PDZRN4: variants seen among roughly 807,000 people sequenced by gnomAD.
PDZRN4 encodes the protein PDZ domain containing ring finger 4, also known as PDZ domain-containing RING finger protein 4.
Under a neutral mutation model 99.0 loss-of-function variants are expected in PDZRN4, and 70 were observed. The observed-to-expected ratio is 0.71, with a 90% CI of 0.58 to 0.86. The LOEUF (loss-of-function observed/expected upper bound fraction) is 0.86, where lower values mean the gene tolerates loss of function less well. PDZRN4 is among the 40% of genes least tolerant of loss of function. The pLI, the probability that PDZRN4 is intolerant of heterozygous loss-of-function variation, is 0.00. For synonymous variants in PDZRN4, 551 were observed against 501.6 expected (o/e 1.10, Z -1.32); for missense variants, 1,474 against 1,331.2 (o/e 1.11, Z -1.67).
rs577289229 is a variant in PDZRN4, at chr12:41,563,640, A to G, written c.1458A>G (p.Pro486=). 8 of 1,611,380 alleles carry G rather than the reference A, an allele frequency of 5.0e-6. No homozygotes were observed. The Admixed American group carries it at 6.7e-5, about 13-fold the overall frequency. ...CKRIVLLVAR[P]EIQLDEGWLE... is the part of the protein sequence containing the mutation. ...GAATCGTGCTGCTTGTTGCAAGGCC[A>G]GAGATTCAGGTCAGAACAGAGATCA... The change falls in exon 8 of 10, where the codon CCA becomes CCG. Residue 486 remains proline (P), a synonymous_variant. Transcript: ENST00000402685.
rs536249798 is a variant in PDZRN4, at chr12:41,292,756, G to A, written c.843+98568G>A. 7.2e-5 allele frequency among the ~76,000 whole-genome samples: 11 copies of A among 152,172 alleles called. 1 individual carries two copies. The South Asian group carries it at 1.0e-3, about 14-fold the overall frequency. ...TTCTCTAAGGAATTTGGAGAAGAAC[G>A]TTCACTTTAGTAAGATTCAGCAAAC... On this transcript the variant is annotated intron_variant, in intron 3 of 9. Transcript: ENST00000402685.
intron 3 of PDZRN4, chr12:41,437,926 T>G: frequency 1.2e-6 from 2 of 1,613,932 alleles, no homozygotes; most frequent in Middle Eastern, 1.7e-4. Context: ...AGATTTGCTC[T>G]CTCTCTCTGC....
chr12:41,511,627 A>G (rs1454786419), intron 5 of PDZRN4, among the ~76,000 whole-genome samples: 1 of 152,158 alleles, frequency 6.6e-6, no homozygotes, highest in East Asian at 1.9e-4. Flanking sequence ...GCATGGTTAA[A>G]GGTGGGAGTG....
chr12:41,511,437 A>G (rs1938302845), intron 5 of PDZRN4, among the ~76,000 whole-genome samples: 1 of 152,062 alleles, frequency 6.6e-6, no homozygotes, highest in African/African-American at 2.4e-5. Flanking sequence ...AGCTCTCTGT[A>G]GCCTGTAATC....
Position 41,572,443 on chromosome 12 carries a change from T to C in PDZRN4, c.1664T>C (p.Val555Ala). 1 of 1,613,754 alleles carries C rather than the reference T, an allele frequency of 6.2e-7. No individual in the cohort carries two copies. The highest frequency in any genetic ancestry group is 1.1e-5 in the South Asian group (1 of 91,066). ...AACAACCATGAGAAGGACAGTGGAGTAGGACGTACAGATGAAAGCTTGCGA... is the reference window on the plus strand; with the variant it reads ...AACAACCATGAGAAGGACAGTGGAGCAGGACGTACAGATGAAAGCTTGCGA... ...SSNNHEKDSG[V>A]GRTDESLRND... Residue 555 changes from valine (V) to alanine (A), a missense_variant, in exon 10 of 10, where the codon GTA (valine) becomes GCA (alanine). Transcript: ENST00000402685.
chr12:41,274,462 G>A (rs1951336785), intron 3 of PDZRN4, among the ~76,000 whole-genome samples: 1 of 152,120 alleles, frequency 6.6e-6, no homozygotes, highest in South Asian at 2.1e-4. Flanking sequence ...CCTAGTTTAA[G>A]CTAGAGAGAA....
At chr12:41,399,539 A>T (rs1054376928) in intron 3 of PDZRN4, among the ~76,000 whole-genome samples, 1 of 152,190 alleles carries the variant, frequency 6.6e-6, no homozygotes, top group Non-Finnish European at 1.5e-5. Context: ...GTTCGAGACC[A>T]GCCTGGGCAA....
intron 3 of PDZRN4, among the ~76,000 whole-genome samples, chr12:41,320,237 T>G (rs947568773): frequency 2.0e-5 from 3 of 152,174 alleles, no homozygotes; most frequent in Non-Finnish European, 4.4e-5. Flanking sequence ...GAAGGGTTTC[T>G]GAGAATGCTA....
chr12:41,425,329 A>G (rs1350429), intron 3 of PDZRN4, among the ~76,000 whole-genome samples: 79,051 of 150,524 alleles, frequency 0.53, 21,359 homozygotes, highest in African/African-American at 0.68. Context: ...GGCATTATCT[A>G]GTATGGAAGG....
intron 3 of PDZRN4, among the ~76,000 whole-genome samples, chr12:41,346,007 G>T (rs767981310): frequency 6.6e-6 from 1 of 152,032 alleles, no homozygotes; most frequent in Non-Finnish European, 1.5e-5. Context: ...TATTCAGTCT[G>T]TGTTAAACTT....
chr12:41,246,292 G>C (rs1951133351), intron 3 of PDZRN4, among the ~76,000 whole-genome samples: 1 of 152,112 alleles, frequency 6.6e-6, no homozygotes, highest in Non-Finnish European at 1.5e-5. Context: ...CAATTGTACA[G>C]TTAATTGACA....
At chr12:41,211,495 G>T (rs1950888574) in intron 3 of PDZRN4, among the ~76,000 whole-genome samples, 1 of 151,670 alleles carries the variant, frequency 6.6e-6, no homozygotes, top group Non-Finnish European at 1.5e-5. Flanking sequence ...CTACACTGTT[G>T]AAGAAGCTTT....
chr12:41,244,920 G>A (rs1591982808), intron 3 of PDZRN4, among the ~76,000 whole-genome samples: 1 of 148,738 alleles, frequency 6.7e-6, no homozygotes. Context: ...TCGATCTCCT[G>A]ACCTCATGAT....
chr12:41,555,308 A>G (rs1403701175), intron 6 of PDZRN4, among the ~76,000 whole-genome samples: 1 of 151,818 alleles, frequency 6.6e-6, no homozygotes, highest in Non-Finnish European at 1.5e-5. Flanking sequence ...CAAAAAGTAA[A>G]TTTCCTGGGT....
chr12:41,569,087 C>A (rs1939429883), intron 9 of PDZRN4, among the ~76,000 whole-genome samples: 2 of 150,902 alleles, frequency 1.3e-5, no homozygotes, highest in Admixed American at 1.3e-4. Flanking sequence ...CAGGCATGAG[C>A]CACCGTGCCC....
At chr12:41,342,742 C>T (rs1260588585) in intron 3 of PDZRN4, among the ~76,000 whole-genome samples, 1 of 151,924 alleles carries the variant, frequency 6.6e-6, no homozygotes, top group Non-Finnish European at 1.5e-5. Context: ...AAAGAGAACA[C>T]TTACACACTG....
At chr12:41,515,944 C>T (rs962380165) in intron 5 of PDZRN4, among the ~76,000 whole-genome samples, 6 of 151,938 alleles carry the variant, frequency 3.9e-5, no homozygotes, top group Non-Finnish European at 8.8e-5. Context: ...CTCTCACCAC[C>T]TCACCTTTCC....
chr12:41,518,592 T>TA (rs1162696044), intron 5 of PDZRN4, among the ~76,000 whole-genome samples: 3 of 152,076 alleles, frequency 2.0e-5, no homozygotes, highest in Non-Finnish European at 4.4e-5. Context: ...AAATATTTAT[T>TA]AAAAAATTGC....
chr12:41,501,054 A>G (rs1009767188), intron 3 of PDZRN4, among the ~76,000 whole-genome samples: 3 of 152,166 alleles, frequency 2.0e-5, no homozygotes, highest in Non-Finnish European at 2.9e-5. Context: ...AACCAGAATT[A>G]TAATACACAA....
Sources: allele counts gnomAD v4.1 joint callset (sites outside exome capture counted in the v4.1 genomes callset), GRCh38; gene constraint gnomAD v4.1.1; transcripts MANE v1.5; gene names NCBI Gene and HGNC (gene_info 2026-07-23, HGNC 2026-07-21).